ACACB: variants seen among roughly 807,000 people sequenced by gnomAD.
ACACB encodes acetyl-CoA carboxylase beta, also known as acetyl-CoA carboxylase 2.
ACACB carries 209 observed loss-of-function variants against 278.8 expected under a neutral mutation model. The observed-to-expected ratio is 0.75, with a 90% confidence interval of 0.67 to 0.84. The LOEUF (loss-of-function observed/expected upper bound fraction) is 0.84. Among genes scored for constraint, ACACB ranks in the 40% least tolerant of loss-of-function variants. The pLI is 0.00. For missense variants in ACACB, 2,850 were observed against 3,269.0 expected, an observed-to-expected ratio of 0.87 and a Z score of 3.13; for synonymous variants, 1,174 against 1,285.6, an observed-to-expected ratio of 0.91 and a Z score of 1.86.
chr12:109,246,236 G>T lies in ACACB; in HGVS notation c.5359G>T (p.Asp1787Tyr), dbSNP rs2046939846. 2 of 1,613,662 alleles carry T rather than the reference G, an allele frequency of 1.2e-6. No homozygotes were observed. Among genetic ancestry groups the T allele is most frequent in the African/African-American group, 2.7e-5 (2 of 74,766 alleles). The change falls in exon 39 of 53, where the codon GAT (aspartate) becomes TAT (tyrosine). Residue 1787 changes from aspartate (D) to tyrosine (Y), a missense_variant. Physicochemically the swap from Asp to Tyr is radical, Grantham distance 160. Transcript: ENST00000338432. ...FKTQEYPEGR[D>Y]VIVIGNDITF... Reference sequence around the variant, plus strand: ...GACCCAGGAGTACCCGGAAGGACGGGATGTGATCGTCATCGGCAATGACAT... The same window carrying T: ...GACCCAGGAGTACCCGGAAGGACGGTATGTGATCGTCATCGGCAATGACAT...
chr12:109,202,135 T>C (rs1371800849), intron 19 of ACACB, among the ~76,000 whole-genome samples: 4 of 152,124 alleles, frequency 2.6e-5, no homozygotes, highest in Non-Finnish European at 4.4e-5. Context: ...TCCAATGTCT[T>C]CCCCTCAATG....
chr12:109,184,873 A>G (rs2044600268), intron 11 of ACACB, among the ~76,000 whole-genome samples: 1 of 151,738 alleles, frequency 6.6e-6, no homozygotes, highest in Non-Finnish European at 1.5e-5. Flanking sequence ...TGCCTGGCTA[A>G]TGTTTTTTTA....
intron 45 of ACACB, among the ~76,000 whole-genome samples, chr12:109,257,209 T>G (rs769960453): frequency 6.6e-6 from 1 of 151,908 alleles, no homozygotes; most frequent in African/African-American, 2.4e-5. Context: ...AGAAGGTGGA[T>G]GTTGCAGTGA....
chr12:109,262,983 T>TATATATA (rs1491252356), intron 49 of ACACB: 3 of 134,886 alleles, frequency 2.2e-5, no homozygotes, highest in Admixed American at 7.5e-5. Flanking sequence ...TATATATATA[T>TATATATA]TGCCATCGTG....
intron 21 of ACACB, among the ~76,000 whole-genome samples, chr12:109,210,137 ATATATGTATATATACACACGTGTG>A (rs2045698033): frequency 1.5e-5 from 1 of 68,582 alleles, no homozygotes; most frequent in East Asian, 4.7e-4. Flanking sequence ...GTATGTGTGT[ATATATGTATATATACACACGTGTG>A]TATATGTATA....
At chr12:109,260,357 C>T (rs2047346785) in intron 47 of ACACB, 123 bp from the exon 48 acceptor site, 2 of 1,291,552 alleles carry the variant, frequency 1.5e-6, no homozygotes, top group South Asian at 1.3e-5. Context: ...CAAATCCCAG[C>T]CCAGTGCTCT....
intron 47 of ACACB, chr12:109,260,136 G>A (rs1282047938): frequency 4.3e-6 from 6 of 1,389,018 alleles, no homozygotes; most frequent in South Asian, 1.1e-5. Context: ...CATTGGGGAA[G>A]GATCAGTGTG....
In ACACB at chr12:109,246,312, G is replaced by A. The variant is rs201217547; in HGVS notation, c.5435G>A (p.Arg1812Gln). The A allele has an allele frequency of 4.8e-5, 78 of 1,612,070 alleles. No individual in the cohort carries two copies. The highest frequency in any genetic ancestry group is 6.0e-5 in the Non-Finnish European group (71 of 1,179,670). The change falls in exon 39 of 53, where the codon CGG becomes CAG. Residue 1812 changes from arginine (R) to glutamine (Q), a missense_variant. Physicochemically the swap from Arg to Gln is conservative, Grantham distance 43. Transcript: ENST00000338432. ...FGPGEDLLYLRASEMARAEGI... is the reference protein window; with the variant it reads ...FGPGEDLLYLQASEMARAEGI... ...CCTGGAGAGGACCTTCTGTACCTGCGGGCATCCGAGATGGCCCGGGCAGAG... is the reference window on the plus strand; with the variant it reads ...CCTGGAGAGGACCTTCTGTACCTGCAGGCATCCGAGATGGCCCGGGCAGAG...
chr12:109,264,008 G>A (rs1593743430), intron 49 of ACACB: 1 of 541,312 alleles, frequency 1.8e-6, no homozygotes, highest in Middle Eastern at 4.9e-4. Flanking sequence ...ATCAAGATGG[G>A]CCTGGGGTGG....
chr12:109,216,623 G>A lies in ACACB; in HGVS notation c.3356G>A (p.Arg1119His), dbSNP rs376968963. The A allele has an allele frequency of 2.0e-5, 33 of 1,613,998 alleles. No individual in the cohort carries two copies. The African/African-American group carries it at 2.3e-4, about 11-fold the overall frequency. The change falls in exon 23 of 53, where the codon CGC becomes CAC. Residue 1119 changes from arginine (R) to histidine (H), a missense_variant. Around this residue, in one of 3 missense-constraint regions of ACACB, gnomAD observed 2,265 missense variants for 2,561.3 expected, o/e 0.88. Transcript: ENST00000338432. The stretch of plus-strand genomic sequence containing the variant: ...CAGCCTTCCCTTCTCCCCAGATACC[G>A]CAGCGGGATCCGCGGCTATATGAAA... ...QSIVQLVQRY[R>H]SGIRGYMKTV...
chr12:109,254,136 C>G lies in ACACB; in HGVS notation c.6046-78C>G. ...CTGCATAACCAGGCATAATCATAGT[C>G]AGAGGAGCAAAGTGCTGATCAGAGG... On this transcript the variant is annotated intron_variant, in intron 43 of 52. Coordinates refer to ENST00000338432, the MANE Select transcript of ACACB (RefSeq NM_001093.4). The G allele has an allele frequency of 2.6e-6, 4 of 1,553,158 alleles. No individual in the cohort carries two copies. The Admixed American group carries it at 6.8e-5, about 27-fold the overall frequency.
upstream of ACACB, among the ~76,000 whole-genome samples, chr12:109,111,638 C>T (rs2042294960): frequency 1.3e-5 from 2 of 151,786 alleles, no homozygotes; most frequent in Non-Finnish European, 2.9e-5. Context: ...TCACTGCAAC[C>T]TCTGCCTCCA....
At chr12:109,239,410 C>T (rs371857351) in intron 34 of ACACB, among the ~76,000 whole-genome samples, 8 of 152,240 alleles carry the variant, frequency 5.3e-5, no homozygotes, top group South Asian at 4.2e-4. Context: ...AAGACGTGGA[C>T]GAGAGCCTTG....
chr12:109,266,674 G>C lies in ACACB; in HGVS notation c.*312G>C, dbSNP rs528178877. On this transcript the variant is annotated 3_prime_UTR_variant, in exon 53 of 53. Transcript: ENST00000338432. Reference sequence around the variant, plus strand: ...TGTTTCCTTTTGCAAAACAGTGCCTGGCATGTGGGATCCAGGCGTTCTTTA... The same window carrying C: ...TGTTTCCTTTTGCAAAACAGTGCCTCGCATGTGGGATCCAGGCGTTCTTTA... The C allele has an allele frequency of 1.1e-5, 2 of 186,908 alleles. No individual in the cohort carries two copies. Among genetic ancestry groups the C allele is most frequent in the South Asian group, 3.6e-4 (2 of 5,516 alleles). 11.6% of individuals were successfully genotyped at this position (186,908 alleles called of 1,614,324 possible). A position where few individuals can be genotyped will look rare whatever the true frequency, so the allele number is the denominator to read the frequency against.
At chr12:109,171,380 C>G (rs541550679) in intron 4 of ACACB, among the ~76,000 whole-genome samples, 4 of 149,962 alleles carry the variant, frequency 2.7e-5, no homozygotes, top group Non-Finnish European at 5.9e-5. Flanking sequence ...GACAGAGTCT[C>G]GTTCTGTCAC....
At chr12:109,112,064 C>T (rs928224232), upstream of ACACB, among the ~76,000 whole-genome samples, 3 of 151,892 alleles carry the variant, frequency 2.0e-5, no homozygotes, top group Non-Finnish European at 4.4e-5. Flanking sequence ...CTCTCTCTCC[C>T]GGTGCAGCAC....
intron 1 of ACACB, among the ~76,000 whole-genome samples, chr12:109,126,805 ATACTC>A (rs2042691428): frequency 6.6e-6 from 1 of 152,200 alleles, no homozygotes; most frequent in African/African-American, 2.4e-5. Context: ...TTCTGGGTCT[ATACTC>A]TCAGAGGGCC....
intron 15 of ACACB, 90 bp from the exon 16 acceptor site, chr12:109,193,556 CAG>C (rs1389796158): frequency 6.6e-6 from 7 of 1,054,722 alleles, no homozygotes; most frequent in South Asian, 3.9e-5. Context: ...TTTGCTGATG[CAG>C]AGAGTTGCGT....
At chr12:109,117,907 C>T (rs1487880833) in intron 1 of ACACB, among the ~76,000 whole-genome samples, 9 of 152,208 alleles carry the variant, frequency 5.9e-5, no homozygotes, top group Middle Eastern at 6.8e-3. Context: ...CTACCACGCC[C>T]GGCTAATTTT....
Sources: gnomAD v4.1 joint callset for allele counts (sites outside exome capture counted in the v4.1 genomes callset) on GRCh38, gnomAD v4.1.1 for gene constraint, gnomAD v4.1.1 regional missense constraint, MANE v1.5 for transcripts, NCBI Gene and HGNC (gene_info 2026-07-23, HGNC 2026-07-21) for gene names.